Variants in SYT1 observed in about 807,000 individuals in gnomAD.
The protein encoded by SYT1 is synaptotagmin-1.
Under a neutral mutation model 44.8 loss-of-function variants are expected in SYT1, and 8 were observed. That is an observed-to-expected ratio of 0.18 (90% CI 0.10 to 0.32). The LOEUF (loss-of-function observed/expected upper bound fraction) is 0.32, where lower values mean the gene tolerates loss of function less well. Among genes scored for constraint, SYT1 ranks in the 10% least tolerant of loss-of-function variants. The pLI, the probability that SYT1 is intolerant of heterozygous loss-of-function variation, is 1.00. For missense variants in SYT1, 286 were observed against 509.3 expected (o/e 0.56, Z 4.22); for synonymous variants, 154 against 188.8 (o/e 0.82, Z 1.51).
chr12:79,120,945 A>C (rs933107602), intron 3 of SYT1, among the ~76,000 whole-genome samples: 2 of 146,274 alleles, frequency 1.4e-5, no homozygotes, highest in African/African-American at 2.5e-5. Flanking sequence ...ATATCTATAT[A>C]TATATATAGA....
intron 4 of SYT1, among the ~76,000 whole-genome samples, chr12:79,252,142 A>G (rs1877254929): frequency 1.3e-5 from 2 of 152,194 alleles, no homozygotes; most frequent in Admixed American, 6.5e-5. Context: ...TTAGTAAAAA[A>G]TCATGACTCT....
intron 1 of SYT1, among the ~76,000 whole-genome samples, chr12:78,877,901 T>G (rs1874260920): frequency 6.6e-6 from 1 of 151,820 alleles, no homozygotes; most frequent in Non-Finnish European, 1.5e-5. Context: ...GGTACTAGGA[T>G]TACAGGCATG....
intron 3 of SYT1, among the ~76,000 whole-genome samples, chr12:79,173,369 C>T (rs913244228): frequency 6.6e-6 from 1 of 152,058 alleles, no homozygotes; most frequent in Non-Finnish European, 1.5e-5. Flanking sequence ...TGCTTAATTT[C>T]TTCCCCCAAA....
chr12:78,945,790 C>G (rs531304192), intron 1 of SYT1, among the ~76,000 whole-genome samples: 35 of 152,144 alleles, frequency 2.3e-4, no homozygotes, highest in Non-Finnish European at 4.1e-4. Context: ...CCCGGTCCAC[C>G]CTTATTCAGT....
At chr12:78,893,388 C>T (rs1875161233) in intron 1 of SYT1, among the ~76,000 whole-genome samples, 1 of 151,676 alleles carries the variant, frequency 6.6e-6, no homozygotes, top group Admixed American at 6.6e-5. Flanking sequence ...TCAATTCTGT[C>T]TCCAAAATTT....
At chr12:78,950,627 A>G (rs1038220479) in intron 1 of SYT1, among the ~76,000 whole-genome samples, 1 of 152,164 alleles carries the variant, frequency 6.6e-6, no homozygotes, top group Non-Finnish European at 1.5e-5. Flanking sequence ...GGCAAAACAA[A>G]TCTTCAAAAT....
At chr12:79,241,853 T>C (rs547815259) in intron 4 of SYT1, among the ~76,000 whole-genome samples, 7 of 152,128 alleles carry the variant, frequency 4.6e-5, no homozygotes, top group Admixed American at 3.9e-4. Flanking sequence ...TAAGGTGAGG[T>C]CATACCGAAG....
At chr12:79,441,086 A>G (rs1247428439) in intron 9 of SYT1, among the ~76,000 whole-genome samples, 1 of 152,190 alleles carries the variant, frequency 6.6e-6, no homozygotes, top group Non-Finnish European at 1.5e-5. Context: ...TCCCAGGTAC[A>G]TAACATATAG....
At chr12:79,077,140 C>T (rs1009122990) in intron 3 of SYT1, among the ~76,000 whole-genome samples, 9 of 152,170 alleles carry the variant, frequency 5.9e-5, no homozygotes, top group East Asian at 5.8e-4. Context: ...CTGCCCTGAG[C>T]TCTCTTGGAT....
intron 9 of SYT1, among the ~76,000 whole-genome samples, chr12:79,441,397 C>T (rs146230568): frequency 6.6e-6 from 1 of 152,218 alleles, no homozygotes; most frequent in East Asian, 1.9e-4. Context: ...CTCACTGCAA[C>T]CTCCGTCTCC....
At chr12:78,965,438 C>T (rs1321276772) in intron 1 of SYT1, among the ~76,000 whole-genome samples, 3 of 152,156 alleles carry the variant, frequency 2.0e-5, no homozygotes, top group African/African-American at 4.8e-5. Flanking sequence ...AATATTTGTG[C>T]TTGATTTTCC....
At chr12:79,419,062 TA>T (rs1349530318) in intron 9 of SYT1, among the ~76,000 whole-genome samples, 9 of 152,186 alleles carry the variant, frequency 5.9e-5, no homozygotes, top group Non-Finnish European at 1.2e-4. Context: ...AGTGAACATC[TA>T]ACTTCAGCTT....
intron 2 of SYT1, among the ~76,000 whole-genome samples, chr12:79,020,688 C>T (rs1421494683): frequency 6.6e-6 from 1 of 151,886 alleles, no homozygotes; most frequent in Admixed American, 6.6e-5. Context: ...CTGCTGTTCC[C>T]TGTCCATAGC....
intron 3 of SYT1, among the ~76,000 whole-genome samples, chr12:79,174,133 C>A (rs1162869887): frequency 6.6e-6 from 1 of 151,976 alleles, no homozygotes; most frequent in African/African-American, 2.4e-5. Flanking sequence ...TTATGAAAAT[C>A]ATTAGAATTT....
At chr12:79,407,332 T>A (rs1245846109) in intron 9 of SYT1, among the ~76,000 whole-genome samples, 1 of 152,082 alleles carries the variant, frequency 6.6e-6, no homozygotes, top group African/African-American at 2.4e-5. Flanking sequence ...CTTCCAGTTT[T>A]GAGAAGAAAA....
chr12:79,217,780 A>G, intron 4 of SYT1, 95 bp downstream of exon 4: 1 of 977,396 alleles, frequency 1.0e-6, no homozygotes, highest in Non-Finnish European at 1.4e-6. Flanking sequence ...ATATACTATA[A>G]ATTTACATTT....
chr12:78,934,247 C>A (rs568746454), intron 1 of SYT1, among the ~76,000 whole-genome samples: 1 of 151,796 alleles, frequency 6.6e-6, no homozygotes, highest in South Asian at 2.1e-4. Context: ...CTTGAATAAC[C>A]GTCATGTGTC....
chr12:79,298,316 A>G (rs1879972763), intron 7 of SYT1, among the ~76,000 whole-genome samples: 1 of 152,140 alleles, frequency 6.6e-6, no homozygotes, highest in Non-Finnish European at 1.5e-5. Context: ...TTTTAATCAT[A>G]TCATTTTAAT....
intron 1 of SYT1, chr12:78,977,502 T>C (rs1470371845): frequency 6.6e-6 from 1 of 152,228 alleles, no homozygotes; most frequent in Admixed American, 6.5e-5. Context: ...CTACTTCTCC[T>C]CTATAGACCA....
Sources: gnomAD v4.1 joint callset for allele counts (sites outside exome capture counted in the v4.1 genomes callset) on GRCh38, gnomAD v4.1.1 for gene constraint, MANE v1.5 for transcripts, NCBI Gene and HGNC (gene_info 2026-07-23, HGNC 2026-07-21) for gene names.